ADRA1A: variants seen among roughly 807,000 people sequenced by gnomAD.
ADRA1A encodes the protein adrenoceptor alpha 1A.
A neutral mutation model predicts 29.6 loss-of-function variants in ADRA1A; 31 were observed. The observed-to-expected ratio is 1.05, with a 90% CI of 0.79 to 1.41. The LOEUF is 1.41. Among genes scored for constraint, ADRA1A ranks in the 40% most tolerant of loss-of-function variants. The probability of loss-of-function intolerance (pLI) is 0.00; values close to 1 mark genes in which losing one functional copy is unlikely to be tolerated. For missense variants in ADRA1A, 619 were observed against 601.1 expected, an observed-to-expected ratio of 1.03 and a Z score of -0.31; for synonymous variants, 311 against 254.3, an observed-to-expected ratio of 1.22 and a Z score of -2.12.
chr8:26,770,158 C>G lies in ADRA1A; in HGVS notation c.1392G>C (p.Glu464Asp). ...CTGCATCTTTCCTGTCCTAGACTTC[C>G]TCCCCGTTCTCACTGAGGGAGATGG... ...VHTISLSENG[E>D]EV is the part of the protein sequence containing the mutation. Residue 464 changes from glutamate (E) to aspartate (D), a missense_variant, in exon 3 of 3, where the codon GAG becomes GAC. Glu to Asp is a conservative substitution (Grantham distance 45). Coordinates refer to ENST00000380573, the MANE Select transcript of ADRA1A (RefSeq NM_000680.4). 1 of 1,548,882 alleles carries G rather than the reference C, an allele frequency of 6.5e-7. No homozygotes were observed. Among genetic ancestry groups the G allele is most frequent in the Non-Finnish European group, 8.7e-7 (1 of 1,147,116 alleles).
At chr8:26,790,230 A>G (rs1333986830) in intron 2 of ADRA1A, among the ~76,000 whole-genome samples, 1 of 152,226 alleles carries the variant, frequency 6.6e-6, no homozygotes, top group Admixed American at 6.6e-5. Flanking sequence ...AGATGAATGG[A>G]TAACAGAAAT....
At chr8:26,829,794 C>T (rs1023068089) in intron 2 of ADRA1A, among the ~76,000 whole-genome samples, 1 of 152,054 alleles carries the variant, frequency 6.6e-6, no homozygotes. Flanking sequence ...AAAAAAAAAT[C>T]AGCAATTCCA....
rs117005482 is a variant in ADRA1A, at chr8:26,860,616, G to A, written c.883+3471C>T. Among the ~76,000 whole-genome samples, 1,189 of 152,158 alleles carry A rather than the reference G, an allele frequency of 7.8e-3. 5 individuals are homozygous for A. The highest frequency in any genetic ancestry group is 0.012 in the Non-Finnish European group (846 of 67,996). The stretch of plus-strand genomic sequence containing the variant: ...CTTCTCTGAGGCTAAAACTGCCATC[G>A]TTCCCCATTCCTGACTCTCTCTTAG... On this transcript the variant is annotated intron_variant, in intron 2 of 2. Coordinates refer to ENST00000380573, the MANE Select transcript of ADRA1A (RefSeq NM_000680.4). This position sits in a 1 kb window ranked among gnomAD's most constrained non-coding sequence, Gnocchi z 4.7.
chr8:26,859,776 T>C (rs186417449), intron 2 of ADRA1A, among the ~76,000 whole-genome samples: 21 of 151,802 alleles, frequency 1.4e-4, no homozygotes, highest in Admixed American at 3.9e-4. Flanking sequence ...TTTTTCTTTT[T>C]TTTTTTTTTT....
chr8:26,793,048 A>C (rs1807945751), intron 2 of ADRA1A, among the ~76,000 whole-genome samples: 1 of 151,954 alleles, frequency 6.6e-6, no homozygotes, highest in African/African-American at 2.4e-5. Context: ...AAAAAAAATA[A>C]ACTGAGACGG....
chr8:26,846,968 A>C (rs1489061413), intron 2 of ADRA1A, among the ~76,000 whole-genome samples: 1 of 152,174 alleles, frequency 6.6e-6, no homozygotes, highest in African/African-American at 2.4e-5. Context: ...CTATCGCAAG[A>C]ACAAAAAACC....
rs1402430363 is a variant in ADRA1A at position 26,865,049 on chromosome 8, G to A, written c.-80C>T. ...GCGCGGAGGCGGGAGCGCGGGAGCCGGGAATCAAAAGGTCTCGGCTGGAGG... is the reference window on the plus strand; with the variant it reads ...GCGCGGAGGCGGGAGCGCGGGAGCCAGGAATCAAAAGGTCTCGGCTGGAGG... On this transcript the variant is annotated 5_prime_UTR_variant, in exon 2 of 3. Coordinates refer to ENST00000380573, the MANE Select transcript of ADRA1A (RefSeq NM_000680.4). The surrounding 1 kb of genome is among the most constrained non-coding windows in gnomAD (Gnocchi z 7.6). The A allele has an allele frequency of 5.3e-6, 8 of 1,517,878 alleles. No individual in the cohort carries two copies. In the East Asian group the frequency reaches 6.8e-5, roughly 13 times the overall value. The allele number at this position is 1,517,878 out of a possible 1,614,324, so 94.0% of individuals were successfully genotyped here.
At chr8:26,809,631 G>A (rs1260322657) in intron 2 of ADRA1A, among the ~76,000 whole-genome samples, 1 of 152,238 alleles carries the variant, frequency 6.6e-6, no homozygotes, top group Non-Finnish European at 1.5e-5. Context: ...ATAAACTGTA[G>A]TGAAGTATGT....
chr8:26,755,194 C>CTTTT (rs34376542), downstream of ADRA1A, among the ~76,000 whole-genome samples: 3 of 145,572 alleles, frequency 2.1e-5, no homozygotes, highest in Non-Finnish European at 3.0e-5. Flanking sequence ...AATAGACCTC[C>CTTTT]TTTTTTTTTT....
chr8:26,866,873 A>G lies in ADRA1A; in HGVS notation c.-687+63T>C. 1 of 985,076 alleles carries G rather than the reference A, an allele frequency of 1.0e-6. No homozygotes were observed. Among genetic ancestry groups the G allele is most frequent in the Non-Finnish European group, 1.2e-6 (1 of 829,950 alleles). The allele number at this position is 985,076 out of a possible 1,614,324, so 61.0% of individuals were successfully genotyped here. ...AAAAGTGGGGGTTCCGTCTCACCAGACGGCGGGGGAGGTCTGCCCTCACCC... is the reference window on the plus strand; with the variant it reads ...AAAAGTGGGGGTTCCGTCTCACCAGGCGGCGGGGGAGGTCTGCCCTCACCC... On this transcript the variant is annotated intron_variant, in intron 1 of 2. Coordinates refer to ENST00000380573, the MANE Select transcript of ADRA1A (RefSeq NM_000680.4). This position sits in a 1 kb window ranked among gnomAD's most constrained non-coding sequence, Gnocchi z 5.7.
At chr8:26,764,241 A>G (rs552030876), downstream of ADRA1A, among the ~76,000 whole-genome samples, 65 of 152,304 alleles carry the variant, frequency 4.3e-4, no homozygotes, top group Non-Finnish European at 7.6e-4. Context: ...TCCTGAGGAC[A>G]TTAAGGTGGC....
At chr8:26,766,520 G>T (rs955584573), downstream of ADRA1A, among the ~76,000 whole-genome samples, 3 of 152,204 alleles carry the variant, frequency 2.0e-5, no homozygotes, top group Admixed American at 2.0e-4. Flanking sequence ...GACTGGGCTG[G>T]AGATTTGGCA....
chr8:26,776,527 G>A (rs924824644), intron 2 of ADRA1A, among the ~76,000 whole-genome samples: 2 of 152,154 alleles, frequency 1.3e-5, no homozygotes, highest in East Asian at 1.9e-4. Context: ...CTGAAGACGC[G>A]AGTAGTTCCC....
intron 2 of ADRA1A, among the ~76,000 whole-genome samples, chr8:26,778,799 T>TGGGGG (rs1244541297): frequency 1.9e-5 from 1 of 52,470 alleles, no homozygotes; most frequent in Non-Finnish European, 3.5e-5. Flanking sequence ...TGTTGTGGGG[T>TGGGGG]GGGGGGAGGG....
rs2130275400 is a variant in ADRA1A, at chr8:26,770,498, G to C, written c.1052C>G (p.Ser351Cys). 1.9e-6 allele frequency: 3 copies of C among 1,614,216 alleles called. No individual in the cohort carries two copies. The highest frequency in any genetic ancestry group is 2.5e-6 in the Non-Finnish European group (3 of 1,180,042). The change falls in exon 3 of 3, where the codon TCT (serine) becomes TGT (cysteine). Residue 351 changes from serine to cysteine, a missense_variant. Physicochemically the swap from Ser to Cys is moderately radical, Grantham distance 112 (BLOSUM62 -1). Transcript: ENST00000380573. Reference protein sequence around the residue: ...LRIQCLCRKQSSKHALGYTLH... With the variant: ...LRIQCLCRKQCSKHALGYTLH... Reference sequence around the variant, plus strand: ...GGTGTAGCCCAGGGCATGTTTGGAAGACTGCTTTCTGCAGAGACACTGGAT... The same window carrying C: ...GGTGTAGCCCAGGGCATGTTTGGAACACTGCTTTCTGCAGAGACACTGGAT...
intron 2 of ADRA1A, among the ~76,000 whole-genome samples, chr8:26,846,156 C>T (rs1812180874): frequency 6.6e-6 from 1 of 152,072 alleles, no homozygotes; most frequent in African/African-American, 2.4e-5. Context: ...ATCTGGAGAC[C>T]TCAGGGTTTG....
At chr8:26,844,728 A>G (rs1161846238) in intron 2 of ADRA1A, among the ~76,000 whole-genome samples, 1 of 152,218 alleles carries the variant, frequency 6.6e-6, no homozygotes, top group Non-Finnish European at 1.5e-5. Context: ...ATAAAAATTA[A>G]CTCAAAATGG....
Position 26,815,991 on chromosome 8 carries a change from C to CA in ADRA1A, c.884-45326_884-45325insT, listed in dbSNP as rs1809728851. On this transcript the variant is annotated intron_variant, in intron 2 of 2. Coordinates refer to ENST00000380573, the MANE Select transcript of ADRA1A (RefSeq NM_000680.4). This position sits in a 1 kb window ranked among gnomAD's most constrained non-coding sequence, Gnocchi z 4.2. ...TGCTTTATCATGAGCCTTGAAAAGT[C>CA]GCTGGTTCCATGGCAGCTGTACCCA... is the stretch of plus-strand genomic sequence containing the variant. 6.6e-6 allele frequency among the ~76,000 whole-genome samples: 1 copy of CA among 152,098 alleles called. No homozygotes were observed. Among genetic ancestry groups the CA allele is most frequent in the Non-Finnish European group, 1.5e-5 (1 of 68,018 alleles).
intron 2 of ADRA1A, among the ~76,000 whole-genome samples, chr8:26,788,271 G>C (rs1807550274): frequency 6.6e-6 from 1 of 152,050 alleles, no homozygotes; most frequent in Non-Finnish European, 1.5e-5. Flanking sequence ...TACAAGTTGT[G>C]CTAAGTCTAC....
Sources: allele counts gnomAD v4.1 joint callset (sites outside exome capture counted in the v4.1 genomes callset), GRCh38; gene constraint gnomAD v4.1.1; non-coding constraint Gnocchi (gnomAD v3.1); transcripts MANE v1.5; gene names NCBI Gene and HGNC (gene_info 2026-07-23, HGNC 2026-07-21).